CSMD1: variants seen among roughly 807,000 people sequenced by gnomAD.
CSMD1 encodes the protein CUB and Sushi multiple domains 1, also known as CUB and sushi domain-containing protein 1.
A neutral mutation model predicts 417.5 loss-of-function variants in CSMD1; 213 were observed. The ratio of observed to expected loss-of-function variants is 0.51; its 90% CI spans 0.46 to 0.57. The LOEUF (loss-of-function observed/expected upper bound fraction) is 0.57. CSMD1 is among the 20% of genes least tolerant of loss of function. The pLI, the probability that CSMD1 is intolerant of heterozygous loss-of-function variation, is 0.00. For synonymous variants in CSMD1, 2,862 were observed against 1,736.8 expected, an observed-to-expected ratio of 1.65 and a Z score of -16.11; for missense variants, 6,923 against 4,529.7, an observed-to-expected ratio of 1.53 and a Z score of -15.17.
intron 1 of CSMD1, among the ~76,000 whole-genome samples, chr8:4,715,194 C>T (rs1253691652): frequency 6.6e-6 from 1 of 152,012 alleles, no homozygotes; most frequent in Non-Finnish European, 1.5e-5. Flanking sequence ...AAAAAGAAAA[C>T]GAAGAAATAT....
chr8:4,972,490 A>G (rs1168729741), intron 1 of CSMD1, among the ~76,000 whole-genome samples: 1 of 152,160 alleles, frequency 6.6e-6, no homozygotes, highest in Non-Finnish European at 1.5e-5. Context: ...TCTTGTGAAG[A>G]AGGTGCCTGA....
intron 2 of CSMD1, among the ~76,000 whole-genome samples, chr8:4,515,674 T>C (rs1803077658): frequency 6.6e-6 from 1 of 152,102 alleles, no homozygotes; most frequent in African/African-American, 2.4e-5. Context: ...TGTTTGCCTG[T>C]GGTAAGCAAG....
chr8:4,894,028 T>G (rs1318074436), intron 1 of CSMD1, among the ~76,000 whole-genome samples: 1 of 138,102 alleles, frequency 7.2e-6, no homozygotes, highest in Non-Finnish European at 1.6e-5. Context: ...GGATTTTCTC[T>G]TTGATTTATT....
chr8:3,726,586 G>T (rs1029130806), intron 6 of CSMD1, among the ~76,000 whole-genome samples: 4 of 152,124 alleles, frequency 2.6e-5, no homozygotes, highest in African/African-American at 9.7e-5. Context: ...CAGGAAATCT[G>T]GATATTCATG....
At chr8:3,836,737 A>G (rs1375416526) in intron 5 of CSMD1, among the ~76,000 whole-genome samples, 2 of 152,152 alleles carry the variant, frequency 1.3e-5, no homozygotes, top group South Asian at 2.1e-4. Context: ...TCAAGAGACA[A>G]TGAAATTCAG....
intron 31 of CSMD1, among the ~76,000 whole-genome samples, chr8:3,203,574 C>G (rs1563139321): frequency 6.6e-6 from 1 of 152,008 alleles, no homozygotes; most frequent in Non-Finnish European, 1.5e-5. Context: ...GTGGCGGGGA[C>G]AAATGCAGCA....
chr8:3,435,828 C>T (rs1814523197), intron 12 of CSMD1, among the ~76,000 whole-genome samples: 2 of 152,294 alleles, frequency 1.3e-5, no homozygotes, highest in East Asian at 1.9e-4. Context: ...ACAAGAGAAA[C>T]ATGGCAGGGG....
chr8:4,203,241 G>C (rs972555511), intron 3 of CSMD1, among the ~76,000 whole-genome samples: 1 of 152,136 alleles, frequency 6.6e-6, no homozygotes, highest in Non-Finnish European at 1.5e-5. Flanking sequence ...ACAAGCTCAG[G>C]AATGTTGGCA....
At chr8:3,553,260 G>C (rs1423210370) in intron 10 of CSMD1, among the ~76,000 whole-genome samples, 1 of 152,130 alleles carries the variant, frequency 6.6e-6, no homozygotes, top group Non-Finnish European at 1.5e-5. Context: ...GCCATAGTTC[G>C]GAGCTGCAGG....
At chr8:4,968,954 T>A (rs913329205) in intron 1 of CSMD1, among the ~76,000 whole-genome samples, 2 of 152,108 alleles carry the variant, frequency 1.3e-5, no homozygotes, top group Non-Finnish European at 2.9e-5. Context: ...CATCACTCCA[T>A]GAATGTTCAA....
At chr8:3,767,604 C>T (rs986022384) in intron 5 of CSMD1, among the ~76,000 whole-genome samples, 3 of 152,190 alleles carry the variant, frequency 2.0e-5, no homozygotes, top group Admixed American at 1.3e-4. Context: ...TATCTCTCAA[C>T]TATGTTTTAT....
intron 10 of CSMD1, among the ~76,000 whole-genome samples, chr8:3,508,358 G>A (rs1039358443): frequency 6.6e-6 from 1 of 151,520 alleles, no homozygotes; most frequent in Non-Finnish European, 1.5e-5. Flanking sequence ...GGCCTGTTAT[G>A]GGGCAGGGGG....
intron 2 of CSMD1, among the ~76,000 whole-genome samples, chr8:4,555,681 A>G (rs1218047761): frequency 6.6e-6 from 1 of 152,198 alleles, no homozygotes; most frequent in Non-Finnish European, 1.5e-5. Flanking sequence ...ATGGAGAGGA[A>G]TAAGTCTCTT....
At chr8:3,347,881 A>G (rs1808116187) in intron 22 of CSMD1, 111 bp downstream of exon 22, 3 of 649,970 alleles carry the variant, frequency 4.6e-6, no homozygotes, top group Admixed American at 3.7e-5. Context: ...TAAATCATAT[A>G]TAAAAATATA....
At chr8:3,884,235 T>C (rs1262613933) in intron 5 of CSMD1, among the ~76,000 whole-genome samples, 1 of 152,238 alleles carries the variant, frequency 6.6e-6, no homozygotes, top group Non-Finnish European at 1.5e-5. Context: ...TATCCTTTGA[T>C]ACGCCTCTAA....
chr8:3,052,438 G>A lies in CSMD1; in HGVS notation c.7660+24C>T, dbSNP rs570805995. ...AGTTCCCACCTAAACCCACAAAGAT[G>A]GGCAGATGCCCCTGAACACTTACGC... On this transcript the variant is annotated intron_variant, in intron 50 of 69. Coordinates refer to ENST00000635120, the MANE Select transcript of CSMD1 (RefSeq NM_033225.6). 5 of 1,543,668 alleles carry A rather than the reference G, an allele frequency of 3.2e-6. No individual in the cohort carries two copies. In the East Asian group the frequency reaches 7.3e-5, roughly 23 times the overall value.
chr8:3,215,604 T>C (rs1431364057), intron 29 of CSMD1, among the ~76,000 whole-genome samples: 6 of 152,372 alleles, frequency 3.9e-5, no homozygotes, highest in Non-Finnish European at 1.5e-5. Flanking sequence ...GTATTTCTTC[T>C]TCCCAAGTAA....
intron 3 of CSMD1, among the ~76,000 whole-genome samples, chr8:4,299,448 C>G (rs1485689864): frequency 6.6e-6 from 1 of 152,140 alleles, no homozygotes; most frequent in East Asian, 1.9e-4. Context: ...CAAAAAGCCA[C>G]TAGTAATTGG....
chr8:4,114,629 A>C (rs991213906), intron 3 of CSMD1, among the ~76,000 whole-genome samples: 1 of 152,128 alleles, frequency 6.6e-6, no homozygotes. Context: ...AAATTGAAAA[A>C]CCTTCTGGAA....
Sources: gnomAD v4.1 joint callset for allele counts (sites outside exome capture counted in the v4.1 genomes callset) on GRCh38, gnomAD v4.1.1 for gene constraint, MANE v1.5 for transcripts, NCBI Gene and HGNC (gene_info 2026-07-23, HGNC 2026-07-21) for gene names.